Variants in TRIM5 observed in about 807,000 individuals in gnomAD.
TRIM5 encodes tripartite motif-containing protein 5.
Under a neutral mutation model 35.6 loss-of-function variants are expected in TRIM5, and 31 were observed. That is an observed-to-expected ratio of 0.87 (90% confidence interval 0.65 to 1.18). The LOEUF (loss-of-function observed/expected upper bound fraction) is 1.18, where lower values mean the gene tolerates loss of function less well. Ranked by LOEUF, TRIM5 falls within the 50% of genes most tolerant of loss-of-function variation. The pLI is 0.00. For missense variants in TRIM5, 609 were observed against 591.6 expected (o/e 1.03, Z -0.31); for synonymous variants, 243 against 215.6 (o/e 1.13, Z -1.11).
At chr11:5,603,186 AT>A in the TRIM5 span, 1 of 1,564,556 alleles carries the variant, frequency 6.4e-7, no homozygotes. Flanking sequence ...GGCAGTCAGT[AT>A]TCCCTTATTC....
chr11:5,620,421 T>C, the TRIM5 span, among the ~76,000 whole-genome samples: 1 of 151,564 alleles, frequency 6.6e-6, no homozygotes, highest in Non-Finnish European at 1.5e-5. Flanking sequence ...CAGACTGGAC[T>C]CTAACTCCTG....
the TRIM5 span, among the ~76,000 whole-genome samples, chr11:5,595,892 G>A: frequency 5.9e-5 from 9 of 152,000 alleles, no homozygotes; most frequent in East Asian, 1.9e-4. Flanking sequence ...CATGTTGGCC[G>A]GGATGGTCTC....
At chr11:5,638,192 TCTC>T in the TRIM5 span, among the ~76,000 whole-genome samples, 3 of 152,174 alleles carry the variant, frequency 2.0e-5, no homozygotes, top group Admixed American at 1.3e-4. Flanking sequence ...GAAGGGAAGT[TCTC>T]CTTTTTAGCA....
the TRIM5 span, among the ~76,000 whole-genome samples, chr11:5,646,014 A>C: frequency 8.8e-6 from 1 of 114,208 alleles, no homozygotes; most frequent in Admixed American, 1.0e-4. Flanking sequence ...TATAATACAT[A>C]TATACATATG....
chr11:5,661,499 T>C (rs1370256436), downstream of TRIM5, among the ~76,000 whole-genome samples: 1 of 152,114 alleles, frequency 6.6e-6, no homozygotes, highest in Non-Finnish European at 1.5e-5. Context: ...AAGCAATCCC[T>C]GTTTTTTTTC....
chr11:5,600,789 C>G, the TRIM5 span, among the ~76,000 whole-genome samples: 1 of 152,126 alleles, frequency 6.6e-6, no homozygotes, highest in Non-Finnish European at 1.5e-5. Flanking sequence ...GTGGCCTGTT[C>G]AGAACAGCGA....
chr11:5,601,593 AC>A, the TRIM5 span, among the ~76,000 whole-genome samples: 2 of 152,060 alleles, frequency 1.3e-5, no homozygotes, highest in African/African-American at 4.8e-5. Context: ...CCCTGTCTCT[AC>A]TAAAAATACA....
At chr11:5,639,137 C>T in the TRIM5 span, among the ~76,000 whole-genome samples, 1 of 152,098 alleles carries the variant, frequency 6.6e-6, no homozygotes, top group African/African-American at 2.4e-5. Context: ...TGAGAAAACC[C>T]AGGCAGGGTC....
the TRIM5 span, chr11:5,632,726 T>A: frequency 1.2e-6 from 2 of 1,607,738 alleles, no homozygotes; most frequent in African/African-American, 1.4e-5. Context: ...CACACAGTCC[T>A]CACGGAGGAA....
rs1470378042 is a variant in TRIM5 at position 5,663,299 on chromosome 11, C to T, written c.*1510G>A. ...TTTACAATTAATAAACTGATTCCCACATAATTCAGTTTGTTTGATAAAGAC... is the reference window on the plus strand; with the variant it reads ...TTTACAATTAATAAACTGATTCCCATATAATTCAGTTTGTTTGATAAAGAC... On this transcript the variant is annotated 3_prime_UTR_variant, in exon 8 of 8. Transcript: ENST00000380034. The T allele has an allele frequency of 1.6e-5, 15 of 944,788 alleles. No individual in the cohort carries two copies. Among genetic ancestry groups the T allele is most frequent in the African/African-American group, 5.3e-5 (3 of 56,454 alleles). The allele number at this position is 944,788 out of a possible 1,614,324, so 58.5% of individuals were successfully genotyped here. A position where few individuals can be genotyped will look rare whatever the true frequency, so the allele number is the denominator to read the frequency against.
chr11:5,617,592 G>C, the TRIM5 span, among the ~76,000 whole-genome samples: 1 of 139,720 alleles, frequency 7.2e-6, no homozygotes, highest in Non-Finnish European at 1.5e-5. Flanking sequence ...AGGTTCAAGC[G>C]ATTCACCAGC....
the TRIM5 span, among the ~76,000 whole-genome samples, chr11:5,624,523 G>A: frequency 1.3e-5 from 2 of 152,236 alleles, no homozygotes; most frequent in African/African-American, 4.8e-5. Flanking sequence ...GAGGGACCAT[G>A]TGCAACCATG....
At position 5,679,112 on chromosome 11, in the gene TRIM5, A is replaced by T; in HGVS notation, c.475T>A (p.Leu159Ile). Residue 159 changes from leucine to isoleucine, a missense_variant, in exon 3 of 8, where the codon TTA becomes ATA. Coordinates refer to ENST00000380034, the MANE Select transcript of TRIM5 (RefSeq NM_033034.3). ...TTCTCTTCTCTGATGTCAGCTTCTA[A>T]CTCTTCAGCTTCCTGCTGCTTCTGC... ...LRQKQQEAEE[L>I]EADIREEKAS... 1 of 1,614,026 alleles carries T rather than the reference A, an allele frequency of 6.2e-7. No homozygotes were observed.
At chr11:5,654,928 T>C in the TRIM5 span, among the ~76,000 whole-genome samples, 5 of 152,276 alleles carry the variant, frequency 3.3e-5, no homozygotes, top group South Asian at 1.0e-3. Flanking sequence ...CGGTAGCTCC[T>C]GCCTGTAATC....
the TRIM5 span, chr11:5,610,953 G>C: frequency 6.2e-7 from 1 of 1,614,068 alleles, no homozygotes; most frequent in Non-Finnish European, 8.5e-7. Flanking sequence ...CTGGGAGGTA[G>C]ATGTGGCCAA....
In TRIM5 at chr11:5,664,638, C is replaced by T. The variant is rs1850986470; in HGVS notation, c.*171G>A. On this transcript the variant is annotated 3_prime_UTR_variant, in exon 8 of 8. Transcript: ENST00000380034. ...TCAAATGTCAATAAAATATTGGGGA[C>T]AATATGGCACAAGGCAATTATTACA... 7.4e-7 allele frequency: 1 copy of T among 1,352,134 alleles called. No homozygotes were observed. The highest frequency in any genetic ancestry group is 9.5e-7 in the Non-Finnish European group (1 of 1,056,948). 83.8% of individuals were successfully genotyped at this position (1,352,134 alleles called of 1,614,324 possible).
At chr11:5,613,363 T>C in the TRIM5 span, among the ~76,000 whole-genome samples, 1 of 152,262 alleles carries the variant, frequency 6.6e-6, no homozygotes, top group Non-Finnish European at 1.5e-5. Context: ...TGATTTGTTA[T>C]CAAGGCTCAG....
intron 4 of TRIM5, among the ~76,000 whole-genome samples, chr11:5,669,317 C>T (rs993213909): frequency 1.3e-5 from 2 of 152,104 alleles, no homozygotes; most frequent in Admixed American, 6.5e-5. Flanking sequence ...CAACCTCAGG[C>T]GATCCGCCTG....
At chr11:5,611,137 C>A in the TRIM5 span, 1 of 1,614,148 alleles carries the variant, frequency 6.2e-7, no homozygotes, top group Non-Finnish European at 8.5e-7. Flanking sequence ...TCTTCCCCTT[C>A]CCTGCTTCTC....
Sources: allele counts gnomAD v4.1 joint callset (sites outside exome capture counted in the v4.1 genomes callset), GRCh38; gene constraint gnomAD v4.1.1; transcripts MANE v1.5; gene names NCBI Gene and HGNC (gene_info 2026-07-23, HGNC 2026-07-21).